Variants in ST18 observed in about 807,000 individuals in gnomAD.
The protein encoded by ST18 is suppression of tumorigenicity 18 protein.
In ST18, 50 loss-of-function variants were observed where a neutral mutation model predicts 110.0. The ratio of observed to expected loss-of-function variants is 0.45; its 90% CI spans 0.36 to 0.58. The LOEUF (loss-of-function observed/expected upper bound fraction) is 0.58, where lower values mean the gene tolerates loss of function less well. ST18 is among the 20% of genes least tolerant of loss of function. The probability of loss-of-function intolerance (pLI) is 0.00; values close to 1 mark genes in which losing one functional copy is unlikely to be tolerated. For missense variants in ST18, 1,306 were observed against 1,280.1 expected (o/e 1.02, Z -0.31); for synonymous variants, 461 against 452.4 (o/e 1.02, Z -0.24).
At chr8:52,124,622 T>G (rs534365711) in intron 23 of ST18, among the ~76,000 whole-genome samples, 2 of 152,308 alleles carry the variant, frequency 1.3e-5, no homozygotes, top group South Asian at 4.1e-4. Context: ...ATTTAGGGAA[T>G]GGGCAGTATT....
At chr8:52,386,425 T>C (rs1482941954) in intron 2 of ST18, among the ~76,000 whole-genome samples, 1 of 151,942 alleles carries the variant, frequency 6.6e-6, no homozygotes, top group Non-Finnish European at 1.5e-5. Flanking sequence ...CTAAATGAGT[T>C]TTTGCCACTC....
intron 25 of ST18, among the ~76,000 whole-genome samples, chr8:52,114,511 G>T (rs1209622166): frequency 3.3e-5 from 5 of 152,140 alleles, no homozygotes; most frequent in African/African-American, 9.7e-5. Context: ...TACTGTTATT[G>T]TTGCTATTTA....
intron 14 of ST18, 89 bp from the exon 15 acceptor site, chr8:52,159,198 A>G: frequency 1.6e-6 from 2 of 1,234,674 alleles, no homozygotes; most frequent in Non-Finnish European, 2.3e-6. Flanking sequence ...AACTTCTTGC[A>G]TTAAAATATG....
intron 2 of ST18, among the ~76,000 whole-genome samples, chr8:52,309,915 C>T (rs577730182): frequency 1.1e-4 from 17 of 152,242 alleles, no homozygotes; most frequent in African/African-American, 3.4e-4. Flanking sequence ...ATGCTGTTAA[C>T]GCCATTCTTT....
intron 2 of ST18, among the ~76,000 whole-genome samples, chr8:52,294,728 T>C (rs2095605721): frequency 6.6e-6 from 1 of 152,232 alleles, no homozygotes; most frequent in African/African-American, 2.4e-5. Context: ...CAGTCTCAGG[T>C]CTTGCTGGGC....
At chr8:52,268,504 T>TATCTATC (rs2094954538) in intron 2 of ST18, among the ~76,000 whole-genome samples, 1 of 146,512 alleles carries the variant, frequency 6.8e-6, no homozygotes, top group African/African-American at 2.7e-5. Context: ...TCTATCTATC[T>TATCTATC]ATCTATTTAT....
chr8:52,273,791 G>A (rs952517006), intron 2 of ST18, among the ~76,000 whole-genome samples: 4 of 152,174 alleles, frequency 2.6e-5, no homozygotes, highest in Non-Finnish European at 5.9e-5. Flanking sequence ...TATGGACAAT[G>A]CTTAATCAGT....
At chr8:52,160,202 AT>A (rs1353209253) in intron 14 of ST18, among the ~76,000 whole-genome samples, 1 of 152,208 alleles carries the variant, frequency 6.6e-6, no homozygotes, top group African/African-American at 2.4e-5. Flanking sequence ...GTATATCTGT[AT>A]AGGCACACAC....
At chr8:52,356,575 G>A (rs1822843153) in intron 2 of ST18, among the ~76,000 whole-genome samples, 1 of 152,088 alleles carries the variant, frequency 6.6e-6, no homozygotes, top group Admixed American at 6.5e-5. Context: ...TATAAGGCAT[G>A]CAAAGAAACA....
At chr8:52,311,059 C>T (rs1034838570) in intron 2 of ST18, among the ~76,000 whole-genome samples, 1 of 152,210 alleles carries the variant, frequency 6.6e-6, no homozygotes, top group African/African-American at 2.4e-5. Flanking sequence ...AGACAGAAAA[C>T]TCCAAGATCC....
intron 2 of ST18, among the ~76,000 whole-genome samples, chr8:52,400,406 G>C (rs1416603646): frequency 6.6e-6 from 1 of 152,052 alleles, no homozygotes; most frequent in Non-Finnish European, 1.5e-5. Flanking sequence ...TTTACATTCA[G>C]TTATTATTGA....
chr8:52,323,486 C>A lies in ST18; in HGVS notation c.-465+85842G>T, dbSNP rs188357500. On this transcript the variant is annotated intron_variant, in intron 2 of 25. Coordinates refer to ENST00000689386, the MANE Select transcript of ST18 (RefSeq NM_001352837.2). The stretch of plus-strand genomic sequence containing the variant: ...GTGCTGGGATGTAAACCTCAAATAC[C>A]TCTCTTCTTAAAGCTTCCCTTCTCC... 2.6e-3 allele frequency among the ~76,000 whole-genome samples: 399 copies of A among 152,292 alleles called. 4 individuals carry two copies. Among genetic ancestry groups the A allele is most frequent in the Admixed American group, 5.4e-3 (82 of 15,294 alleles).
Position 52,111,467 on chromosome 8 carries a change from G to A in ST18, c.*1731C>T, listed in dbSNP as rs2040517553. On this transcript the variant is annotated 3_prime_UTR_variant, in exon 26 of 26. Coordinates refer to ENST00000689386, the MANE Select transcript of ST18 (RefSeq NM_001352837.2). ...AGACAGTTCATCTTCACTAAACTAA[G>A]GTTCAAGAGTTCAAATGAACTCCAA... is the stretch of plus-strand genomic sequence containing the variant. 6.5e-6 allele frequency: 1 copy of A among 152,762 alleles called. No homozygotes were observed. Among genetic ancestry groups the A allele is most frequent in the Non-Finnish European group, 1.5e-5 (1 of 68,174 alleles). 9.5% of individuals were successfully genotyped at this position (152,762 alleles called of 1,614,324 possible). A position where few individuals can be genotyped will look rare whatever the true frequency, so the allele number is the denominator to read the frequency against.
At chr8:52,285,283 C>A (rs956682085) in intron 2 of ST18, among the ~76,000 whole-genome samples, 14 of 152,188 alleles carry the variant, frequency 9.2e-5, no homozygotes, top group African/African-American at 3.4e-4. Flanking sequence ...TTTCCCCTTA[C>A]ACAGTCTGAT....
At chr8:52,181,503 A>G (rs1227155316) in intron 8 of ST18, among the ~76,000 whole-genome samples, 1 of 152,226 alleles carries the variant, frequency 6.6e-6, no homozygotes, top group African/African-American at 2.4e-5. Context: ...AGAAGCAATA[A>G]TTAGACAGCT....
chr8:52,131,559 C>G (rs1190281534), intron 22 of ST18, among the ~76,000 whole-genome samples: 1 of 152,190 alleles, frequency 6.6e-6, no homozygotes, highest in Admixed American at 6.5e-5. Flanking sequence ...CAAATTGAGC[C>G]AGTCCATAAG....
chr8:52,198,401 A>G (rs919982161), intron 8 of ST18, among the ~76,000 whole-genome samples: 1 of 152,196 alleles, frequency 6.6e-6, no homozygotes, highest in East Asian at 1.9e-4. Flanking sequence ...CTCCTTTTTT[A>G]GTTTTCTGCA....
chr8:52,211,355 TA>T (rs909714561), intron 8 of ST18, among the ~76,000 whole-genome samples: 2 of 150,018 alleles, frequency 1.3e-5, no homozygotes, highest in African/African-American at 4.9e-5. Flanking sequence ...GTTAAAAAAT[TA>T]GTTACCTGAT....
chr8:52,264,078 C>T (rs763641070), intron 2 of ST18, among the ~76,000 whole-genome samples: 3 of 152,084 alleles, frequency 2.0e-5, no homozygotes, highest in East Asian at 1.9e-4. Context: ...GGATTACAGG[C>T]GTGAGCCACC....
Sources: gnomAD v4.1 joint callset for allele counts (sites outside exome capture counted in the v4.1 genomes callset) on GRCh38, gnomAD v4.1.1 for gene constraint, MANE v1.5 for transcripts, NCBI Gene and HGNC (gene_info 2026-07-23, HGNC 2026-07-21) for gene names.